Variants in CACNA1E observed in about 807,000 individuals in gnomAD.
CACNA1E encodes the protein voltage-dependent R-type calcium channel subunit alpha-1E.
CACNA1E carries 40 observed loss-of-function variants against 259.2 expected under a neutral mutation model. The ratio of observed to expected loss-of-function variants is 0.15; its 90% confidence interval spans 0.12 to 0.20. The LOEUF (loss-of-function observed/expected upper bound fraction) is 0.20, where lower values mean the gene tolerates loss of function less well. Ranked by LOEUF, CACNA1E falls within the 10% of genes least tolerant of loss-of-function variation. CACNA1E has a pLI of 1.00. For missense variants in CACNA1E, 1,874 were observed against 3,040.1 expected (o/e 0.62, Z 9.02); for synonymous variants, 1,104 against 1,138.5 (o/e 0.97, Z 0.61).
intron 44 of CACNA1E, among the ~76,000 whole-genome samples, chr1:181,791,903 T>C (rs774556317): frequency 6.6e-6 from 1 of 152,140 alleles, no homozygotes; most frequent in Non-Finnish European, 1.5e-5. Flanking sequence ...CGAAAAACAC[T>C]CAGTAGCTCA....
chr1:181,798,931 A>G lies in CACNA1E; in HGVS notation c.*97A>G. The G allele has an allele frequency of 8.9e-7, 1 of 1,120,670 alleles. No homozygotes were observed. The highest frequency in any genetic ancestry group is 1.2e-6 in the Non-Finnish European group (1 of 822,408). 69.4% of individuals were successfully genotyped at this position (1,120,670 alleles called of 1,614,324 possible). On this transcript the variant is annotated 3_prime_UTR_variant, in exon 48 of 48. Coordinates refer to ENST00000367573, the MANE Select transcript of CACNA1E (RefSeq NM_001205293.3). This position sits in a 1 kb window ranked among gnomAD's most constrained non-coding sequence, Gnocchi z 4.2. ...GCGGCCCGGGGGGGAGGAAGAGGGA[A>G]AAGGAAGATGGAAGGACACCATGCA...
intron 2 of CACNA1E, among the ~76,000 whole-genome samples, chr1:181,419,192 A>C (rs1014990847): frequency 7.1e-6 from 1 of 141,206 alleles, no homozygotes; most frequent in African/African-American, 2.6e-5. Context: ...AGCTCAGTGC[A>C]TGATTTCCAT....
At chr1:181,719,599 T>C (rs1275366521) in intron 12 of CACNA1E, among the ~76,000 whole-genome samples, 152 bp from the exon 13 acceptor site, 1 of 152,166 alleles carries the variant, frequency 6.6e-6, no homozygotes, top group Non-Finnish European at 1.5e-5. Context: ...GCTTCCCACA[T>C]AGGTAGTTCT....
At chr1:181,721,985 G>T in intron 16 of CACNA1E, 110 bp downstream of exon 16, 1 of 731,014 alleles carries the variant, frequency 1.4e-6, no homozygotes, top group Non-Finnish European at 2.5e-6. Context: ...ACAGGGGCGT[G>T]GACATTGTTT....
intron 3 of CACNA1E, 73 bp from the exon 4 acceptor site, chr1:181,577,693 C>T: frequency 1.0e-6 from 1 of 997,350 alleles, no homozygotes; most frequent in Non-Finnish European, 1.5e-6. Flanking sequence ...CTTGCCTCAG[C>T]CCCGCTTCCT....
At chr1:181,422,150 T>TC (rs1658794773) in intron 2 of CACNA1E, among the ~76,000 whole-genome samples, 1 of 152,208 alleles carries the variant, frequency 6.6e-6, no homozygotes, top group African/African-American at 2.4e-5. Flanking sequence ...AGAGAGGCTG[T>TC]CCTTCATCAC....
intron 1 of CACNA1E, among the ~76,000 whole-genome samples, chr1:181,397,448 G>A (rs537094722): frequency 6.6e-6 from 1 of 152,282 alleles, no homozygotes; most frequent in African/African-American, 2.4e-5. Flanking sequence ...TTACAGGCAT[G>A]CGTCACCACA....
chr1:181,711,459 G>A lies in CACNA1E; in HGVS notation c.1171+390G>A, dbSNP rs979319539. Among the ~76,000 whole-genome samples, 3 of 152,190 alleles carry A rather than the reference G, an allele frequency of 2.0e-5. No individual in the cohort carries two copies. In the East Asian group the frequency reaches 5.8e-4, roughly 29 times the overall value. ...CCCTGTTCTAAGCACTTGGGATATG[G>A]CAGTGAGCCAAACAGTCAACCAGCT... is the stretch of plus-strand genomic sequence containing the variant. On this transcript the variant is annotated intron_variant, in intron 8 of 47. Transcript: ENST00000367573.
intron 34 of CACNA1E, among the ~76,000 whole-genome samples, chr1:181,764,104 G>A (rs1478449826): frequency 2.6e-5 from 4 of 152,158 alleles, no homozygotes; most frequent in Non-Finnish European, 5.9e-5. Flanking sequence ...CATCTGGGCA[G>A]GTTAATATGA....
chr1:181,396,396 T>C lies in CACNA1E; in HGVS notation c.-14-16737T>C, dbSNP rs533069585. On this transcript the variant is annotated intron_variant, in intron 1 of 11. Transcript: ENST00000524607. Reference sequence around the variant, plus strand: ...ACCACATCAAGCATGACAAGAACAATTGGTCATTGGGTTTAGCAATGTGGA... The same window carrying C: ...ACCACATCAAGCATGACAAGAACAACTGGTCATTGGGTTTAGCAATGTGGA... Among the ~76,000 whole-genome samples, 7 of 152,254 alleles carry C rather than the reference T, an allele frequency of 4.6e-5. No individual in the cohort carries two copies. In the South Asian group the frequency reaches 1.5e-3, roughly 32 times the overall value.
At chr1:181,404,719 T>C (rs1032212380) in intron 1 of CACNA1E, among the ~76,000 whole-genome samples, 2 of 152,164 alleles carry the variant, frequency 1.3e-5, no homozygotes, top group African/African-American at 2.4e-5. Flanking sequence ...TTGTCAAGCT[T>C]CTTTGAACTT....
rs183208490 is a variant in CACNA1E at position 181,541,606 on chromosome 1, C to T, written c.512+30096C>T. Among the ~76,000 whole-genome samples the T allele has an allele frequency of 2.9e-3, 447 of 152,308 alleles. 2 individuals carry two copies. The highest frequency in any genetic ancestry group is 5.5e-3 in the Non-Finnish European group (376 of 68,026). On this transcript the variant is annotated intron_variant, in intron 3 of 47. Transcript: ENST00000367573. The stretch of plus-strand genomic sequence containing the variant: ...TCCTATGTTCTGAAAGGCTCTGTTT[C>T]TGGGCAAGCCGCAGTGCTTAGCAGC...
chr1:181,683,907 C>T (rs184033913), intron 7 of CACNA1E, among the ~76,000 whole-genome samples: 38 of 152,128 alleles, frequency 2.5e-4, no homozygotes, highest in African/African-American at 8.9e-4. Context: ...ATATGTATGC[C>T]TGTGTTTTTA....
chr1:181,758,197 C>A lies in CACNA1E; in HGVS notation c.4494+86C>A. 8.6e-7 allele frequency: 1 copy of A among 1,168,650 alleles called. No individual in the cohort carries two copies. The highest frequency in any genetic ancestry group is 1.2e-6 in the Non-Finnish European group (1 of 803,424). The allele number at this position is 1,168,650 out of a possible 1,614,324, so 72.4% of individuals were successfully genotyped here. A position where few individuals can be genotyped will look rare whatever the true frequency, so the allele number is the denominator to read the frequency against. ...GTGGGAAGACACCCCAACATCCCAG[C>A]CCATCACTGCTTTACCTACTTTTCC... On this transcript the variant is annotated intron_variant, in intron 31 of 47. Coordinates refer to ENST00000367573, the MANE Select transcript of CACNA1E (RefSeq NM_001205293.3). This position sits in a 1 kb window ranked among gnomAD's most constrained non-coding sequence, Gnocchi z 4.2.
chr1:181,388,362 A>C (rs956439003), intron 1 of CACNA1E, among the ~76,000 whole-genome samples: 3 of 152,242 alleles, frequency 2.0e-5, no homozygotes, highest in African/African-American at 7.2e-5. Context: ...ACAGGGATAC[A>C]TTCTGAGAAA....
intron 2 of CACNA1E, among the ~76,000 whole-genome samples, chr1:181,474,982 C>G (rs1292954261): frequency 6.6e-6 from 1 of 152,158 alleles, no homozygotes; most frequent in African/African-American, 2.4e-5. Flanking sequence ...CTGTTTATAT[C>G]ATCTGGGTTG....
At chr1:181,419,613 A>G (rs966191726) in intron 2 of CACNA1E, among the ~76,000 whole-genome samples, 1 of 152,250 alleles carries the variant, frequency 6.6e-6, no homozygotes, top group African/African-American at 2.4e-5. Context: ...AGCTTCTTGA[A>G]AGCAGGGCCT....
intron 1 of CACNA1E, among the ~76,000 whole-genome samples, chr1:181,492,065 A>G (rs1664364807): frequency 6.6e-6 from 1 of 152,230 alleles, no homozygotes; most frequent in Non-Finnish European, 1.5e-5. Flanking sequence ...TAGCTACTTC[A>G]TAATTTTCCT....
At chr1:181,683,920 G>A (rs756001359) in intron 7 of CACNA1E, among the ~76,000 whole-genome samples, 3 of 152,060 alleles carry the variant, frequency 2.0e-5, no homozygotes, top group South Asian at 2.1e-4. Flanking sequence ...TGTTTTTATC[G>A]TAGAACAATT....
Sources: allele counts gnomAD v4.1 joint callset (sites outside exome capture counted in the v4.1 genomes callset), GRCh38; gene constraint gnomAD v4.1.1; non-coding constraint Gnocchi (gnomAD v3.1); transcripts MANE v1.5; gene names NCBI Gene and HGNC (gene_info 2026-07-23, HGNC 2026-07-21).